The following TYR variants were observed in gnomAD, a reference collection of about 807,000 sequenced individuals.
TYR encodes tyrosinase.
TYR carries 58 observed loss-of-function variants against 51.5 expected under a neutral mutation model. The ratio of observed to expected loss-of-function variants is 1.13; its 90% CI spans 0.91 to 1.40. The LOEUF is 1.40. TYR is among the 40% of genes most tolerant of loss of function. TYR has a pLI of 0.00. For missense variants in TYR, 732 were observed against 647.4 expected, an observed-to-expected ratio of 1.13 and a Z score of -1.42; for synonymous variants, 263 against 235.2, an observed-to-expected ratio of 1.12 and a Z score of -1.08.
chr11:89,195,544 T>C (rs1943506522), intron 2 of TYR, among the ~76,000 whole-genome samples: 1 of 152,030 alleles, frequency 6.6e-6, no homozygotes, highest in African/African-American at 2.4e-5. Context: ...CCAGGCATGG[T>C]GGCACATGTC....
In TYR at chr11:89,240,979, T is replaced by A. The variant is rs530890749; in HGVS notation, c.1184+13009T>A. Among the ~76,000 whole-genome samples, 3 of 152,286 alleles carry A rather than the reference T, an allele frequency of 2.0e-5. No individual in the cohort carries two copies. In the South Asian group the frequency reaches 6.2e-4, roughly 32 times the overall value. Reference sequence around the variant, plus strand: ...TGGCGTGGATATGGGGTTGAAAAGTTTGAGAAGGTTGAAGACTCCAAAAGA... The same window carrying A: ...TGGCGTGGATATGGGGTTGAAAAGTATGAGAAGGTTGAAGACTCCAAAAGA... On this transcript the variant is annotated intron_variant, in intron 3 of 4. Coordinates refer to ENST00000263321, the MANE Select transcript of TYR (RefSeq NM_000372.5).
At chr11:89,286,234 G>A (rs558015895) in intron 4 of TYR, among the ~76,000 whole-genome samples, 7 of 151,856 alleles carry the variant, frequency 4.6e-5, no homozygotes, top group Non-Finnish European at 1.0e-4. Context: ...GAAAAGGGCA[G>A]GGGATATGCT....
chr11:89,210,884 AT>A (rs1164067573), intron 2 of TYR, among the ~76,000 whole-genome samples: 2 of 152,216 alleles, frequency 1.3e-5, no homozygotes, highest in African/African-American at 4.8e-5. Context: ...TGAAGGAGAA[AT>A]AAAATCCTTT....
At chr11:89,266,446 A>AT (rs1198021032) in intron 3 of TYR, among the ~76,000 whole-genome samples, 1 of 151,668 alleles carries the variant, frequency 6.6e-6, no homozygotes, top group Non-Finnish European at 1.5e-5. Context: ...ATTACCTCTG[A>AT]TTTTTCTTAC....
At chr11:89,223,986 A>G (rs1420522102) in intron 2 of TYR, among the ~76,000 whole-genome samples, 3 of 151,664 alleles carry the variant, frequency 2.0e-5, no homozygotes, top group African/African-American at 7.3e-5. Flanking sequence ...GTGAGTAATG[A>G]AATACCAGCC....
chr11:89,260,996 G>A (rs1024513262), intron 3 of TYR, among the ~76,000 whole-genome samples: 16 of 152,026 alleles, frequency 1.1e-4, no homozygotes, highest in African/African-American at 2.9e-4. Context: ...AGAATCTAAC[G>A]CCTGATGATC....
At chr11:89,249,634 G>C (rs879762557) in intron 3 of TYR, among the ~76,000 whole-genome samples, 2 of 151,962 alleles carry the variant, frequency 1.3e-5, no homozygotes, top group Non-Finnish European at 2.9e-5. Context: ...AGCCAGACTG[G>C]AGCAGATTCT....
intron 2 of TYR, chr11:89,200,619 G>T (rs182521417): frequency 6.9e-5 from 10 of 145,364 alleles, no homozygotes; most frequent in Non-Finnish European, 1.5e-4. Context: ...AAATTAATTT[G>T]TTATGTGATA....
intron 2 of TYR, among the ~76,000 whole-genome samples, chr11:89,199,962 T>C (rs1025063297): frequency 6.6e-6 from 1 of 152,222 alleles, no homozygotes; most frequent in Non-Finnish European, 1.5e-5. Context: ...AGTCAGGCAT[T>C]AAGACATATA....
At chr11:89,244,014 A>G (rs1944234515) in intron 3 of TYR, among the ~76,000 whole-genome samples, 1 of 152,140 alleles carries the variant, frequency 6.6e-6, no homozygotes, top group African/African-American at 2.4e-5. Context: ...GGTTGGTAGA[A>G]TTATGCATAA....
intron 2 of TYR, among the ~76,000 whole-genome samples, chr11:89,197,757 A>C (rs567919675): frequency 6.6e-6 from 1 of 152,270 alleles, no homozygotes; most frequent in South Asian, 2.1e-4. Flanking sequence ...GGCAGCAAGG[A>C]AAGCAACAAG....
chr11:89,284,368 T>C (rs1002136718), intron 3 of TYR, among the ~76,000 whole-genome samples: 1 of 151,900 alleles, frequency 6.6e-6, no homozygotes, highest in Admixed American at 6.6e-5. Context: ...ACCAAAAAAA[T>C]GACCAAATTC....
chr11:89,246,644 G>A (rs1264177184), intron 3 of TYR, among the ~76,000 whole-genome samples: 3 of 152,090 alleles, frequency 2.0e-5, no homozygotes, highest in South Asian at 4.1e-4. Context: ...ATCTTCTGGA[G>A]TGACATTTTG....
chr11:89,248,216 T>G (rs1944289984), intron 3 of TYR, among the ~76,000 whole-genome samples: 1 of 152,142 alleles, frequency 6.6e-6, no homozygotes, highest in African/African-American at 2.4e-5. Context: ...AATTACTAGA[T>G]AGACAAGGAA....
chr11:89,198,087 A>C (rs1943546685), intron 2 of TYR, among the ~76,000 whole-genome samples: 1 of 152,060 alleles, frequency 6.6e-6, no homozygotes, highest in African/African-American at 2.4e-5. Flanking sequence ...TGAAATTTTT[A>C]ATGACATTTA....
chr11:89,247,873 G>C (rs560560583), intron 3 of TYR, among the ~76,000 whole-genome samples: 10 of 152,238 alleles, frequency 6.6e-5, no homozygotes, highest in African/African-American at 2.4e-4. Flanking sequence ...ATTATTTCGA[G>C]AGCCAAATGT....
chr11:89,195,401 G>T (rs551710907), intron 2 of TYR, among the ~76,000 whole-genome samples: 1 of 152,056 alleles, frequency 6.6e-6, no homozygotes, highest in African/African-American at 2.4e-5. Flanking sequence ...CCACATGGCC[G>T]GGTGTGGTGG....
chr11:89,256,130 G>A (rs566749449), intron 3 of TYR, among the ~76,000 whole-genome samples: 19 of 151,622 alleles, frequency 1.3e-4, no homozygotes, highest in South Asian at 2.1e-4. Flanking sequence ...TAATGAGCAC[G>A]TAAAATATTG....
At chr11:89,195,922 G>A (rs1270805921) in intron 2 of TYR, among the ~76,000 whole-genome samples, 1 of 151,774 alleles carries the variant, frequency 6.6e-6, no homozygotes, top group Non-Finnish European at 1.5e-5. Context: ...TAGCACTGTT[G>A]GAGAATGGGA....
Sources: allele counts gnomAD v4.1 joint callset (sites outside exome capture counted in the v4.1 genomes callset), GRCh38; gene constraint gnomAD v4.1.1; transcripts MANE v1.5; gene names NCBI Gene and HGNC (gene_info 2026-07-23, HGNC 2026-07-21).